KANK1: variants seen among roughly 807,000 people sequenced by gnomAD.
KANK1 encodes the protein KN motif and ankyrin repeat domain-containing protein 1.
In KANK1, 109 loss-of-function variants were observed where a neutral mutation model predicts 106.2. The observed-to-expected ratio is 1.03, with a 90% confidence interval of 0.88 to 1.20. The LOEUF is 1.20. Among genes scored for constraint, KANK1 ranks in the 50% most tolerant of loss-of-function variants. The pLI, the probability that KANK1 is intolerant of heterozygous loss-of-function variation, is 0.00. For missense variants in KANK1, 2,399 were observed against 1,710.7 expected (o/e 1.40, Z -7.10); for synonymous variants, 873 against 652.2 (o/e 1.34, Z -5.16).
chr9:666,733 A>G (rs981199078), intron 1 of KANK1, among the ~76,000 whole-genome samples: 2 of 152,134 alleles, frequency 1.3e-5, no homozygotes, highest in African/African-American at 4.8e-5. Flanking sequence ...GTTAATGTGT[A>G]TCACATTTAC....
intron 11 of KANK1, 134 bp from the exon 12 acceptor site, chr9:745,039 C>G (rs1479108731): frequency 2.6e-6 from 4 of 1,517,558 alleles, no homozygotes; most frequent in Non-Finnish European, 3.5e-6. Context: ...GTTCCCTGTT[C>G]TCAGCCAGAG....
chr9:711,467 C>G lies in KANK1; in HGVS notation c.701C>G (p.Ser234Cys). The G allele has an allele frequency of 1.2e-6, 2 of 1,614,154 alleles. No individual in the cohort carries two copies. The highest frequency in any genetic ancestry group is 1.7e-6 in the Non-Finnish European group (2 of 1,180,026). The change falls in exon 3 of 12, where the codon TCC (serine) becomes TGC (cysteine). Residue 234 changes from serine to cysteine, a missense_variant. Physicochemically the swap from Ser to Cys is moderately radical, Grantham distance 112. Transcript: ENST00000382297. Reference protein sequence around the residue: ...SYAPAAPTTSSMGSSIRHSPL... With the variant: ...SYAPAAPTTSCMGSSIRHSPL... ...GCCCCAGCTGCTCCCACCACTTCCT[C>G]CATGGGGAGCTCCATCCGCCACAGC... is the stretch of plus-strand genomic sequence containing the variant.
rs1002060282 is a variant in KANK1 at position 508,549 on chromosome 9, C to T, written c.-84+3795C>T. ...ATATTGCCAGCATTGCAGAAGTGCC[C>T]CTATACTCTTGTCCAATCACTGCCC... On this transcript the variant is annotated intron_variant, in intron 1 of 11. Transcript: ENST00000382297. Among the ~76,000 whole-genome samples the T allele has an allele frequency of 4.8e-5, 7 of 146,216 alleles. 1 individual carries two copies. Among genetic ancestry groups the T allele is most frequent in the African/African-American group, 2.0e-4 (7 of 35,824 alleles).
At chr9:658,827 C>G (rs889711356) in intron 1 of KANK1, among the ~76,000 whole-genome samples, 3 of 152,094 alleles carry the variant, frequency 2.0e-5, no homozygotes, top group African/African-American at 4.8e-5. Flanking sequence ...GGGCTGTATG[C>G]TGTTCCTGGG....
chr9:728,677 C>T (rs1384691366), intron 3 of KANK1, among the ~76,000 whole-genome samples: 1 of 152,148 alleles, frequency 6.6e-6, no homozygotes, highest in Non-Finnish European at 1.5e-5. Context: ...TGAAAAGTGA[C>T]GTTTACCATC....
chr9:744,879 G>T lies in KANK1; in HGVS notation c.3996+290G>T. 4 of 1,412,304 alleles carry T rather than the reference G, an allele frequency of 2.8e-6. No individual in the cohort carries two copies. The South Asian group carries it at 6.2e-5, about 22-fold the overall frequency. The allele number at this position is 1,412,304 out of a possible 1,614,324, so 87.5% of individuals were successfully genotyped here. ...TCCAGATAGCAGCCCCTGAGCCCAT[G>T]GGGATATTTCGCCATGGTTCTGGCA... On this transcript the variant is annotated intron_variant, in intron 11 of 11. Coordinates refer to ENST00000382297, the MANE Select transcript of KANK1 (RefSeq NM_015158.5).
rs961220389 is a variant in KANK1 at position 480,896 on chromosome 9, C to A, written c.-362+7623C>A. Among the ~76,000 whole-genome samples the A allele has an allele frequency of 5.3e-5, 8 of 152,282 alleles. No individual in the cohort carries two copies. In the South Asian group the frequency reaches 6.2e-4, roughly 12 times the overall value. ...ACTGCAGAGGACTGGAGAGGCACAG[C>A]CCACCTAAAGACATTCAAATTTGGT... On this transcript the variant is annotated intron_variant, in intron 3 of 15. Coordinates refer to the KANK1 transcript ENST00000382303.
At chr9:658,855 C>T (rs978028294) in intron 1 of KANK1, among the ~76,000 whole-genome samples, 2 of 152,082 alleles carry the variant, frequency 1.3e-5, no homozygotes, top group African/African-American at 4.8e-5. Context: ...TTACCTTCCA[C>T]CTTTCCCCTA....
intron 1 of KANK1, among the ~76,000 whole-genome samples, chr9:534,934 G>A (rs2060227738): frequency 6.6e-6 from 1 of 152,270 alleles, no homozygotes; most frequent in South Asian, 2.1e-4. Context: ...GTGGAGGTTG[G>A]GCCGAGGGGA....
intron 1 of KANK1, among the ~76,000 whole-genome samples, chr9:525,273 G>C (rs1023052121): frequency 6.6e-6 from 1 of 151,386 alleles, no homozygotes; most frequent in African/African-American, 2.5e-5. Flanking sequence ...GGGATTACAG[G>C]CGTGAGCTAC....
intron 2 of KANK1, among the ~76,000 whole-genome samples, chr9:701,791 G>A (rs1158701836): frequency 1.3e-5 from 2 of 152,148 alleles, no homozygotes; most frequent in African/African-American, 4.8e-5. Flanking sequence ...TGGTGAGTAC[G>A]TTAATTTTTA....
chr9:672,697 CAT>C (rs1426027218), intron 1 of KANK1, among the ~76,000 whole-genome samples: 2 of 152,070 alleles, frequency 1.3e-5, no homozygotes, highest in African/African-American at 4.8e-5. Context: ...TGCTGTTTTT[CAT>C]ATTTGTATCA....
chr9:601,165 G>A (rs1438043252), intron 1 of KANK1, among the ~76,000 whole-genome samples: 1 of 151,710 alleles, frequency 6.6e-6, no homozygotes, highest in Non-Finnish European at 1.5e-5. Flanking sequence ...AAGGTAGTAC[G>A]GGGCTCCCAT....
intron 1 of KANK1, among the ~76,000 whole-genome samples, chr9:572,085 A>C (rs548514980): frequency 1.3e-5 from 2 of 152,058 alleles, no homozygotes; most frequent in Admixed American, 6.5e-5. Flanking sequence ...AACAAATTAA[A>C]AATGGAAAGT....
intron 1 of KANK1, among the ~76,000 whole-genome samples, chr9:663,421 C>G (rs1346604181): frequency 6.6e-6 from 1 of 152,176 alleles, no homozygotes; most frequent in Non-Finnish European, 1.5e-5. Context: ...CTATTACAAA[C>G]AAATGAAAGC....
chr9:604,400 G>C (rs1349827300), intron 1 of KANK1, among the ~76,000 whole-genome samples: 11 of 151,662 alleles, frequency 7.3e-5, no homozygotes. Context: ...CTGTCCTCCT[G>C]ATAGCGAGGG....
chr9:493,555 T>C (rs1286934197), intron 3 of KANK1, among the ~76,000 whole-genome samples: 2 of 79,848 alleles, frequency 2.5e-5, no homozygotes, highest in African/African-American at 2.9e-4. Context: ...GGTAATTTGC[T>C]TTTTTTTTTT....
chr9:677,130 A>G (rs1018501364), intron 2 of KANK1, 121 bp downstream of exon 2: 73 of 886,480 alleles, frequency 8.2e-5, no homozygotes, highest in Middle Eastern at 4.7e-4. Flanking sequence ...TTTCAAAGCA[A>G]TTTTCTGTCC....
intron 2 of KANK1, among the ~76,000 whole-genome samples, chr9:685,770 G>T (rs1401236093): frequency 6.6e-6 from 1 of 152,174 alleles, no homozygotes; most frequent in African/African-American, 2.4e-5. Context: ...CATGATCTCT[G>T]TTAGGCAGAA....
Sources: allele counts gnomAD v4.1 joint callset (sites outside exome capture counted in the v4.1 genomes callset), GRCh38; gene constraint gnomAD v4.1.1; transcripts MANE v1.5; gene names NCBI Gene and HGNC (gene_info 2026-07-23, HGNC 2026-07-21).